ENOX1: variants seen among roughly 807,000 people sequenced by gnomAD.
ENOX1 encodes the protein ecto-NOX disulfide-thiol exchanger 1.
In ENOX1, 42 loss-of-function variants were observed where a neutral mutation model predicts 82.5. The observed-to-expected ratio is 0.51, with a 90% CI of 0.40 to 0.66. The LOEUF is 0.66. Among genes scored for constraint, ENOX1 ranks in the 30% least tolerant of loss-of-function variants. The pLI, the probability that ENOX1 is intolerant of heterozygous loss-of-function variation, is 0.00. For missense variants in ENOX1, 608 were observed against 811.6 expected, an observed-to-expected ratio of 0.75 and a Z score of 3.05; for synonymous variants, 271 against 282.2, an observed-to-expected ratio of 0.96 and a Z score of 0.40.
At chr13:43,291,732 G>A (rs542364163) in intron 12 of ENOX1, among the ~76,000 whole-genome samples, 1 of 152,284 alleles carries the variant, frequency 6.6e-6, no homozygotes, top group Non-Finnish European at 1.5e-5. Flanking sequence ...ACAGGCTCCT[G>A]TTCAAGATGT....
rs183770226 is a variant in ENOX1 at position 43,624,500 on chromosome 13, G to A, written c.-219+42979C>T. Among the ~76,000 whole-genome samples, 290 of 151,936 alleles carry A rather than the reference G, an allele frequency of 1.9e-3. 1 individual carries two copies. Among genetic ancestry groups the A allele is most frequent in the African/African-American group, 6.4e-3 (266 of 41,480 alleles). On this transcript the variant is annotated intron_variant, in intron 2 of 16. Transcript: ENST00000690772. ...ATTTTTAGATACCAAAGATTTTTTC[G>A]TATTTTTCCAATAGTTTTATAGTTT...
At chr13:43,665,623 G>T (rs747838939) in intron 2 of ENOX1, among the ~76,000 whole-genome samples, 21 of 152,030 alleles carry the variant, frequency 1.4e-4, no homozygotes, top group Non-Finnish European at 2.8e-4. Flanking sequence ...GATAGAGGCG[G>T]CATGTAAATT....
At chr13:43,496,277 A>G (rs1163447291) in intron 2 of ENOX1, among the ~76,000 whole-genome samples, 1 of 152,134 alleles carries the variant, frequency 6.6e-6, no homozygotes, top group African/African-American at 2.4e-5. Flanking sequence ...TCATGTAAAG[A>G]TCTAATTCAA....
intron 1 of ENOX1, among the ~76,000 whole-genome samples, chr13:43,717,836 T>C (rs2088258874): frequency 1.3e-5 from 2 of 152,166 alleles, no homozygotes; most frequent in South Asian, 2.1e-4. Context: ...TACAGTGAGA[T>C]ACCATCCCAT....
At chr13:43,542,841 A>T (rs915582835) in intron 2 of ENOX1, among the ~76,000 whole-genome samples, 1 of 152,200 alleles carries the variant, frequency 6.6e-6, no homozygotes, top group Non-Finnish European at 1.5e-5. Flanking sequence ...GGGAAGTCCA[A>T]GATTCAATTC....
intron 2 of ENOX1, among the ~76,000 whole-genome samples, chr13:43,648,665 T>C (rs2084011921): frequency 6.6e-6 from 1 of 152,196 alleles, no homozygotes; most frequent in Non-Finnish European, 1.5e-5. Context: ...TGATATGACT[T>C]CTCACTCCAA....
At chr13:43,400,845 T>C (rs1594349396) in intron 5 of ENOX1, among the ~76,000 whole-genome samples, 1 of 152,314 alleles carries the variant, frequency 6.6e-6, no homozygotes, top group Admixed American at 6.5e-5. Flanking sequence ...AGTGTAAAGA[T>C]AGAGCTGGCC....
intron 1 of ENOX1, among the ~76,000 whole-genome samples, chr13:43,714,939 T>C (rs1327027767): frequency 1.3e-5 from 2 of 152,184 alleles, no homozygotes; most frequent in African/African-American, 4.8e-5. Flanking sequence ...ATATGTTAAT[T>C]TGGTCCTGTC....
At chr13:43,738,363 CATATT>C (rs2089732396) in intron 1 of ENOX1, among the ~76,000 whole-genome samples, 1 of 152,062 alleles carries the variant, frequency 6.6e-6, no homozygotes, top group South Asian at 2.1e-4. Flanking sequence ...AAGAAAATAA[CATATT>C]ATATTGAAAA....
At chr13:43,465,037 G>A (rs947349747) in intron 3 of ENOX1, among the ~76,000 whole-genome samples, 4 of 152,148 alleles carry the variant, frequency 2.6e-5, no homozygotes, top group African/African-American at 4.8e-5. Flanking sequence ...ACATCAGGGG[G>A]CAGGCAAATG....
At chr13:43,446,523 TG>T in intron 3 of ENOX1, among the ~76,000 whole-genome samples, 1 of 152,306 alleles carries the variant, frequency 6.6e-6, no homozygotes, top group East Asian at 1.9e-4. Context: ...AAATGCCTAC[TG>T]GGCTGATGGC....
At chr13:43,680,237 T>G (rs1431276099) in intron 1 of ENOX1, among the ~76,000 whole-genome samples, 1 of 152,178 alleles carries the variant, frequency 6.6e-6, no homozygotes, top group Non-Finnish European at 1.5e-5. Context: ...AACTTCTAAA[T>G]TAAAAGAAGT....
chr13:43,362,917 A>ATT (rs10709661), intron 5 of ENOX1, among the ~76,000 whole-genome samples: 3 of 151,702 alleles, frequency 2.0e-5, no homozygotes, highest in African/African-American at 7.3e-5. Context: ...TAAAAGGAGG[A>ATT]TTTTTTTTTA....
At chr13:43,635,882 C>A (rs2083394865) in intron 2 of ENOX1, among the ~76,000 whole-genome samples, 1 of 152,128 alleles carries the variant, frequency 6.6e-6, no homozygotes, top group Non-Finnish European at 1.5e-5. Flanking sequence ...GGGCAAGATG[C>A]AGAAAGGGGG....
intron 2 of ENOX1, among the ~76,000 whole-genome samples, chr13:43,604,513 G>T (rs994660563): frequency 4.6e-5 from 7 of 152,254 alleles, no homozygotes; most frequent in East Asian, 1.9e-4. Flanking sequence ...CTAGATTTTT[G>T]AGGGTTTTTA....
At chr13:43,704,637 A>G (rs2087134366) in intron 1 of ENOX1, among the ~76,000 whole-genome samples, 2 of 152,210 alleles carry the variant, frequency 1.3e-5, no homozygotes, top group South Asian at 4.1e-4. Context: ...CTGGTGATCC[A>G]CAACGAAGAA....
chr13:43,726,475 C>T (rs2088965155), intron 1 of ENOX1, among the ~76,000 whole-genome samples: 1 of 152,024 alleles, frequency 6.6e-6, no homozygotes, highest in African/African-American at 2.4e-5. Context: ...CTTAGTCCTC[C>T]CAAAGTGCTG....
At chr13:43,399,330 G>A (rs934336620) in intron 5 of ENOX1, among the ~76,000 whole-genome samples, 1 of 152,154 alleles carries the variant, frequency 6.6e-6, no homozygotes, top group Non-Finnish European at 1.5e-5. Flanking sequence ...GTCAGCTATA[G>A]TGTCACAGAG....
At chr13:43,646,245 C>T (rs560562791) in intron 2 of ENOX1, among the ~76,000 whole-genome samples, 31 of 152,290 alleles carry the variant, frequency 2.0e-4, no homozygotes, top group African/African-American at 5.8e-4. Flanking sequence ...GTGTCTTCTG[C>T]GAGCATGTAT....
Sources: allele counts gnomAD v4.1 joint callset (sites outside exome capture counted in the v4.1 genomes callset), GRCh38; gene constraint gnomAD v4.1.1; transcripts MANE v1.5; gene names NCBI Gene and HGNC (gene_info 2026-07-23, HGNC 2026-07-21).